The following GPSM2 variants were observed in gnomAD, a reference collection of about 807,000 sequenced individuals.
GPSM2 encodes the protein G protein-signaling modulator 2.
Under a neutral mutation model 78.4 loss-of-function variants are expected in GPSM2, and 58 were observed. The ratio of observed to expected loss-of-function variants is 0.74; its 90% CI spans 0.60 to 0.92. The LOEUF (loss-of-function observed/expected upper bound fraction) is 0.92. Among genes scored for constraint, GPSM2 ranks in the 40% least tolerant of loss-of-function variants. GPSM2 has a pLI of 0.00. For synonymous variants in GPSM2, 224 were observed against 280.2 expected (o/e 0.80, Z 2.00); for missense variants, 700 against 815.5 (o/e 0.86, Z 1.73).
At chr1:108,897,148 T>G in intron 3 of GPSM2, 63 bp downstream of exon 3, 1 of 1,204,362 alleles carries the variant, frequency 8.3e-7, no homozygotes, top group East Asian at 2.5e-5. Context: ...TAAAAAATAT[T>G]TCTATTCAAT....
Position 108,931,305 on chromosome 1 carries a change from T to C in GPSM2, c.*1365T>C, listed in dbSNP as rs763215520. ...AGTTGTCATTAAGCTTTGTCTTCCT[T>C]ATCCCAGATATTGAAGGCAGTTTAC... On this transcript the variant is annotated 3_prime_UTR_variant, in exon 15 of 15. Transcript: ENST00000264126. 5 of 1,542,006 alleles carry C rather than the reference T, an allele frequency of 3.2e-6. No individual in the cohort carries two copies. Among genetic ancestry groups the C allele is most frequent in the Admixed American group, 2.0e-5 (1 of 49,860 alleles).
chr1:108,896,730 T>A, intron 2 of GPSM2, 134 bp from the exon 3 acceptor site: 1 of 754,746 alleles, frequency 1.3e-6, no homozygotes, highest in South Asian at 1.5e-5. Context: ...TTATCAGGAA[T>A]GTATATAAAC....
chr1:108,918,886 T>G (rs1650480248), intron 12 of GPSM2, 97 bp downstream of exon 12: 2 of 776,482 alleles, frequency 2.6e-6, no homozygotes, highest in East Asian at 2.7e-5. Context: ...AAATTAGACA[T>G]TTAATATAAA....
At chr1:108,911,585 T>C (rs1354275396) in intron 10 of GPSM2, among the ~76,000 whole-genome samples, 2 of 152,144 alleles carry the variant, frequency 1.3e-5, no homozygotes, top group African/African-American at 4.8e-5. Context: ...AAGGTCACTT[T>C]ACGGTGGTAC....
At chr1:108,908,563 T>C (rs1400919048) in intron 10 of GPSM2, among the ~76,000 whole-genome samples, 2 of 151,270 alleles carry the variant, frequency 1.3e-5, no homozygotes, top group East Asian at 3.9e-4. Context: ...TAGTCCCAGC[T>C]ACTCGGGAGG....
rs769492005 is a variant in GPSM2, at chr1:108,924,116, C to T, written c.1717C>T (p.Arg573Cys). The T allele has an allele frequency of 9.9e-6, 16 of 1,613,430 alleles. No individual in the cohort carries two copies. The East Asian group carries it at 2.5e-4, about 25-fold the overall frequency. Residue 573 changes from arginine (R) to cysteine (C), a missense_variant, in exon 14 of 15, where the codon CGT becomes TGT. By Grantham distance (180) the Arg-to-Cys change is radical. Coordinates refer to ENST00000264126, the MANE Select transcript of GPSM2 (RefSeq NM_013296.5). ...TAGTTTCAGTAATTTGCCAGGGCTTCGTCTAACACAAAACAGCCAGTCGGT... is the reference window on the plus strand; with the variant it reads ...TAGTTTCAGTAATTTGCCAGGGCTTTGTCTAACACAAAACAGCCAGTCGGT... Reference protein sequence around the residue: ...RASFSNLPGLRLTQNSQSVLS... With the variant: ...RASFSNLPGLCLTQNSQSVLS...
At chr1:108,906,846 T>G (rs1649272658) in intron 10 of GPSM2, among the ~76,000 whole-genome samples, 1 of 152,192 alleles carries the variant, frequency 6.6e-6, no homozygotes, top group African/African-American at 2.4e-5. Context: ...TCGCCCAGGC[T>G]GGAGTGCAGT....
At chr1:108,884,511 A>T (rs546055106) in intron 1 of GPSM2, among the ~76,000 whole-genome samples, 19 of 152,350 alleles carry the variant, frequency 1.2e-4, no homozygotes, top group Admixed American at 8.5e-4. Flanking sequence ...CAGCAAAATC[A>T]TATAAAACTA....
Position 108,885,390 on chromosome 1 carries a change from A to T in GPSM2, c.-133A>T, listed in dbSNP as rs1647451091. 3.6e-6 allele frequency: 2 copies of T among 558,424 alleles called. No homozygotes were observed. Among genetic ancestry groups the T allele is most frequent in the Non-Finnish European group, 6.4e-6 (2 of 314,890 alleles). 34.6% of individuals were successfully genotyped at this position (558,424 alleles called of 1,614,324 possible). The stretch of plus-strand genomic sequence containing the variant: ...TCATTATTAATAAAGAAGAATCAGG[A>T]GCTTAGGATGTATTAACACCAACTC... On this transcript the variant is annotated 5_prime_UTR_variant, in exon 2 of 15. Coordinates refer to ENST00000264126, the MANE Select transcript of GPSM2 (RefSeq NM_013296.5).
chr1:108,930,333 C>T lies in GPSM2; in HGVS notation c.*393C>T, dbSNP rs1651716986. The T allele has an allele frequency of 1.2e-5, 2 of 166,414 alleles. No homozygotes were observed. The highest frequency in any genetic ancestry group is 2.6e-5 in the Non-Finnish European group (2 of 76,954). The allele number at this position is 166,414 out of a possible 1,614,324, so 10.3% of individuals were successfully genotyped here. ...ACATAACCATGGATGTAGTGGGAAACAATGTTGTTTGGTAAAAATAATGTA... is the reference window on the plus strand; with the variant it reads ...ACATAACCATGGATGTAGTGGGAAATAATGTTGTTTGGTAAAAATAATGTA... On this transcript the variant is annotated 3_prime_UTR_variant, in exon 15 of 15. Coordinates refer to ENST00000264126, the MANE Select transcript of GPSM2 (RefSeq NM_013296.5).
chr1:108,907,139 G>T (rs1649298588), intron 10 of GPSM2, among the ~76,000 whole-genome samples: 1 of 152,144 alleles, frequency 6.6e-6, no homozygotes, highest in South Asian at 2.1e-4. Context: ...ATGAAGACAG[G>T]TGTTTTTTGG....
In GPSM2 at chr1:108,929,761, G is replaced by C. The variant is rs727503087; in HGVS notation, c.1876G>C (p.Val626Leu). 25 of 1,613,264 alleles carry C rather than the reference G, an allele frequency of 1.5e-5. No homozygotes were observed. Among genetic ancestry groups the C allele is most frequent in the Non-Finnish European group, 2.0e-5 (24 of 1,179,336 alleles). ...ACCTGCTACCACAAAGGGTCCGACA[G>C]TACCAGATGAAGACTTTTTCAGCCT... is the stretch of plus-strand genomic sequence containing the variant. ...PPPATTKGPT[V>L]PDEDFFSLIL... The change falls in exon 15 of 15, where the codon GTA (valine) becomes CTA (leucine). Residue 626 changes from valine to leucine, a missense_variant. Coordinates refer to ENST00000264126, the MANE Select transcript of GPSM2 (RefSeq NM_013296.5).
chr1:108,928,599 C>T (rs552470652), intron 14 of GPSM2, among the ~76,000 whole-genome samples: 38 of 152,310 alleles, frequency 2.5e-4, no homozygotes, highest in African/African-American at 8.7e-4. Context: ...TCTATTCTTA[C>T]TCTTGAGCTA....
intron 10 of GPSM2, among the ~76,000 whole-genome samples, chr1:108,907,649 G>A (rs1649347470): frequency 6.6e-6 from 1 of 151,974 alleles, no homozygotes; most frequent in Non-Finnish European, 1.5e-5. Context: ...GAAAAAAAAA[G>A]CTAACATTTA....
chr1:108,924,248 G>A, intron 14 of GPSM2, 34 bp downstream of exon 14: 3 of 1,260,898 alleles, frequency 2.4e-6, no homozygotes, highest in African/African-American at 2.9e-5. Flanking sequence ...TCTGCATACA[G>A]CTCAGATACC....
chr1:108,920,828 A>G (rs139274262), intron 12 of GPSM2, among the ~76,000 whole-genome samples: 37 of 152,318 alleles, frequency 2.4e-4, no homozygotes, highest in African/African-American at 8.9e-4. Context: ...CACTTAGCTC[A>G]ACTGAAAATG....
chr1:108,929,662 C>T, intron 14 of GPSM2, 39 bp from the exon 15 acceptor site: 1 of 1,602,428 alleles, frequency 6.2e-7, no homozygotes, highest in Non-Finnish European at 8.5e-7. Flanking sequence ...TGCTTTCTTT[C>T]CCACAGTATG....
intron 1 of GPSM2, among the ~76,000 whole-genome samples, chr1:108,882,793 T>C (rs1384880933): frequency 1.3e-5 from 2 of 152,236 alleles, no homozygotes; most frequent in Non-Finnish European, 2.9e-5. Flanking sequence ...TTATTAATTT[T>C]TTTATTAAGG....
At position 108,924,434 on chromosome 1, in the gene GPSM2, CGTGT is replaced by C. The variant is rs146170134; in HGVS notation, c.1815+231_1815+234del. 3.8e-3 allele frequency: 2,272 copies of C among 593,138 alleles called. 30 individuals are homozygous for C. The African/African-American group carries it at 0.038, about 10-fold the overall frequency. 36.7% of individuals were successfully genotyped at this position (593,138 alleles called of 1,614,324 possible). A position where few individuals can be genotyped will look rare whatever the true frequency, so the allele number is the denominator to read the frequency against. On this transcript the variant is annotated intron_variant, in intron 14 of 14. Transcript: ENST00000264126. Reference sequence around the variant, plus strand: ...AAAGGATCTTACATTTTAGGAGAGACGTGTGTGTGTGTGTATATATATAGAGAGA... The same window carrying C: ...AAAGGATCTTACATTTTAGGAGAGACGTGTGTGTGTATATATATAGAGAGA...
Sources: gnomAD v4.1 joint callset for allele counts (sites outside exome capture counted in the v4.1 genomes callset) on GRCh38, gnomAD v4.1.1 for gene constraint, MANE v1.5 for transcripts, NCBI Gene and HGNC (gene_info 2026-07-23, HGNC 2026-07-21) for gene names.